SLC1A7: variants seen among roughly 807,000 people sequenced by gnomAD.
SLC1A7 encodes excitatory amino acid transporter 5.
A neutral mutation model predicts 47.7 loss-of-function variants in SLC1A7; 40 were observed. That is an observed-to-expected ratio of 0.84 (90% CI 0.65 to 1.09). SLC1A7 has a LOEUF of 1.09. SLC1A7 is among the 50% of genes least tolerant of loss of function. The pLI is 0.00. For synonymous variants in SLC1A7, 323 were observed against 325.6 expected (o/e 0.99, Z 0.09); for missense variants, 746 against 769.5 (o/e 0.97, Z 0.36).
intron 5 of SLC1A7, among the ~76,000 whole-genome samples, chr1:53,095,234 G>A (rs1644472092): frequency 6.6e-6 from 1 of 151,400 alleles, no homozygotes; most frequent in Admixed American, 6.6e-5. Flanking sequence ...GCACAGGTAA[G>A]CCAGGCGCAT....
Position 53,142,628 on chromosome 1 carries a change from A to G in SLC1A7, c.-179T>C. ...GTGGCCGCCTTAGAGGGAAGCCACA[A>G]TCCTATTACCAGCTGCATCATTAGG... On this transcript the variant is annotated 5_prime_UTR_variant, in exon 1 of 11. Transcript: ENST00000371494. 1.7e-6 allele frequency: 1 copy of G among 604,344 alleles called. No homozygotes were observed. The highest frequency in any genetic ancestry group is 3.2e-5 in the Admixed American group (1 of 31,292). The allele number at this position is 604,344 out of a possible 1,614,324, so 37.4% of individuals were successfully genotyped here. A position where few individuals can be genotyped will look rare whatever the true frequency, so the allele number is the denominator to read the frequency against.
chr1:53,093,443 G>A lies in SLC1A7; in HGVS notation c.797+18C>T. ...CCCAGGGCTGGCCGGGGTGAGGTGG[G>A]TAAATGAGGAGGCTTACCACACAGC... On this transcript the variant is annotated intron_variant, in intron 6 of 10. Transcript: ENST00000371494. 1 of 1,590,518 alleles carries A rather than the reference G, an allele frequency of 6.3e-7. No individual in the cohort carries two copies. Among genetic ancestry groups the A allele is most frequent in the Non-Finnish European group, 8.6e-7 (1 of 1,166,988 alleles).
At chr1:53,104,224 C>T (rs1644614744) in intron 4 of SLC1A7, among the ~76,000 whole-genome samples, 2 of 152,184 alleles carry the variant, frequency 1.3e-5, no homozygotes, top group South Asian at 4.1e-4. Context: ...GCTTCCTTTT[C>T]CTCCTCTGTA....
At chr1:53,092,475 T>C (rs1644432840) in intron 7 of SLC1A7, 79 bp downstream of exon 7, 2 of 1,056,436 alleles carry the variant, frequency 1.9e-6, no homozygotes, top group Admixed American at 2.0e-5. Flanking sequence ...TCTGTGGCTA[T>C]GAACCAATGA....
intron 2 of SLC1A7, among the ~76,000 whole-genome samples, chr1:53,132,785 G>T (rs1032217618): frequency 2.0e-5 from 3 of 152,194 alleles, no homozygotes; most frequent in Non-Finnish European, 4.4e-5. Flanking sequence ...AGCCGAGGCT[G>T]CAGTGAGCTG....
chr1:53,091,052 A>C, intron 7 of SLC1A7: 1 of 1,149,352 alleles, frequency 8.7e-7, no homozygotes, highest in East Asian at 2.6e-5. Context: ...GGGCTGACCC[A>C]TGTCACACTG....
chr1:53,110,028 C>T (rs1644685756), intron 3 of SLC1A7, among the ~76,000 whole-genome samples: 1 of 152,210 alleles, frequency 6.6e-6, no homozygotes, highest in Non-Finnish European at 1.5e-5. Context: ...TTCCCATTCC[C>T]AAAGCCTAAC....
chr1:53,111,619 A>G (rs1477150562), intron 3 of SLC1A7, among the ~76,000 whole-genome samples: 2 of 152,166 alleles, frequency 1.3e-5, no homozygotes, highest in Non-Finnish European at 2.9e-5. Context: ...AGGGTATGAG[A>G]GAATGAGAGA....
intron 4 of SLC1A7, among the ~76,000 whole-genome samples, chr1:53,104,437 C>T (rs1476585418): frequency 2.0e-5 from 3 of 152,148 alleles, no homozygotes; most frequent in Non-Finnish European, 4.4e-5. Flanking sequence ...GAGGGAGTGA[C>T]TAATTGGCTG....
At chr1:53,104,965 T>C (rs939034962) in intron 4 of SLC1A7, among the ~76,000 whole-genome samples, 1 of 152,164 alleles carries the variant, frequency 6.6e-6, no homozygotes, top group African/African-American at 2.4e-5. Context: ...GGGAAATAAA[T>C]TACAGCGCAG....
At chr1:53,095,580 TACACTC>T (rs1207452540) in intron 5 of SLC1A7, among the ~76,000 whole-genome samples, 2 of 147,390 alleles carry the variant, frequency 1.4e-5, no homozygotes, top group Non-Finnish European at 3.0e-5. Flanking sequence ...CCTGCCTCGA[TACACTC>T]ACACACCCCG....
In SLC1A7 at chr1:53,095,379, T is replaced by A. The variant is rs1053046493; in HGVS notation, c.698-1819A>T. On this transcript the variant is annotated intron_variant, in intron 5 of 10. Transcript: ENST00000371494. ...TGGCAGATGTGGGCACATAAAGGCA[T>A]GAGCATACACAGTAAGCCACACCCT... Among the ~76,000 whole-genome samples, 3 of 151,988 alleles carry A rather than the reference T, an allele frequency of 2.0e-5. No homozygotes were observed. In the South Asian group the frequency reaches 6.2e-4, roughly 32 times the overall value.
intron 3 of SLC1A7, among the ~76,000 whole-genome samples, chr1:53,109,503 C>T (rs1225294598): frequency 1.3e-5 from 2 of 152,192 alleles, no homozygotes; most frequent in African/African-American, 4.8e-5. Context: ...GGGACATGGC[C>T]TGTTGTGTTC....
intron 2 of SLC1A7, among the ~76,000 whole-genome samples, chr1:53,123,304 A>G (rs561043877): frequency 4.3e-4 from 65 of 152,320 alleles, no homozygotes; most frequent in South Asian, 1.5e-3. Flanking sequence ...CTGCACCAGC[A>G]GGGCCCCTGG....
intron 10 of SLC1A7, 44 bp from the exon 11 acceptor site, chr1:53,088,271 G>A: frequency 6.7e-7 from 1 of 1,492,346 alleles, no homozygotes; most frequent in Non-Finnish European, 9.1e-7. Flanking sequence ...GAGGGACCAA[G>A]GTTAGATACG....
At chr1:53,127,613 G>A (rs2150341588) in intron 2 of SLC1A7, among the ~76,000 whole-genome samples, 1 of 152,316 alleles carries the variant, frequency 6.6e-6, no homozygotes, top group South Asian at 2.1e-4. Context: ...ACAAGGTGGT[G>A]GGATGTCTCC....
At chr1:53,093,597 G>C (rs1366263867) in intron 5 of SLC1A7, 37 bp from the exon 6 acceptor site, 2 of 1,525,828 alleles carry the variant, frequency 1.3e-6, no homozygotes, top group East Asian at 2.3e-5. Context: ...GTAAAGCAGG[G>C]ACAGACCCAC....
chr1:53,114,995 G>A lies in SLC1A7; in HGVS notation c.216-22C>T, dbSNP rs1338793513. 8.8e-6 allele frequency: 14 copies of A among 1,592,684 alleles called. No homozygotes were observed. In the East Asian group the frequency reaches 2.7e-4, roughly 31 times the overall value. ...CAAGCTGGGAGGGCGAGGGGGTCAG[G>A]GGCTGTGGTGGGGAGGCCAGGGCCT... On this transcript the variant is annotated intron_variant, in intron 2 of 10. Transcript: ENST00000371494.
chr1:53,103,999 C>G (rs1230667538), intron 4 of SLC1A7, among the ~76,000 whole-genome samples: 1 of 152,180 alleles, frequency 6.6e-6, no homozygotes, highest in Non-Finnish European at 1.5e-5. Flanking sequence ...GAAGCATAGC[C>G]TGCCCCAAGC....
Sources: gnomAD v4.1 joint callset for allele counts (sites outside exome capture counted in the v4.1 genomes callset) on GRCh38, gnomAD v4.1.1 for gene constraint, MANE v1.5 for transcripts, NCBI Gene and HGNC (gene_info 2026-07-23, HGNC 2026-07-21) for gene names.